SUMF1: variants seen among roughly 807,000 people sequenced by gnomAD.
SUMF1 encodes the protein sulfatase modifying factor 1.
In SUMF1, 48 loss-of-function variants were observed where a neutral mutation model predicts 47.6. The observed-to-expected ratio is 1.01, with a 90% CI of 0.80 to 1.28. The LOEUF (loss-of-function observed/expected upper bound fraction) is 1.28, where lower values mean the gene tolerates loss of function less well. Among genes scored for constraint, SUMF1 ranks in the 50% most tolerant of loss-of-function variants. SUMF1 has a pLI of 0.00. For missense variants in SUMF1, 571 were observed against 485.4 expected, an observed-to-expected ratio of 1.18 and a Z score of -1.66; for synonymous variants, 230 against 192.1, an observed-to-expected ratio of 1.20 and a Z score of -1.63.
At chr3:4,436,600 TA>T (rs11313088) in intron 3 of SUMF1, among the ~76,000 whole-genome samples, 41,150 of 144,236 alleles carry the variant, frequency 0.29, 5,988 homozygotes, top group Non-Finnish European at 0.33. Flanking sequence ...AGTTGTTAAT[TA>T]AAAAAAAAAA....
intron 8 of SUMF1, among the ~76,000 whole-genome samples, chr3:4,138,403 A>C (rs1315355485): frequency 6.6e-6 from 1 of 152,108 alleles, no homozygotes; most frequent in African/African-American, 2.4e-5. Flanking sequence ...GACAGTGAAC[A>C]CTGTGATTTA....
chr3:4,466,175 G>C (rs544777574), intron 1 of SUMF1, among the ~76,000 whole-genome samples: 198 of 152,080 alleles, frequency 1.3e-3, no homozygotes, highest in African/African-American at 4.7e-3. Context: ...GCAGTGGCAA[G>C]ATCTCGGCTC....
At chr3:4,460,738 C>G (rs987320159) in intron 1 of SUMF1, among the ~76,000 whole-genome samples, 1 of 151,782 alleles carries the variant, frequency 6.6e-6, no homozygotes, top group Non-Finnish European at 1.5e-5. Flanking sequence ...GCTCACAGCA[C>G]CCTTGATCGT....
At chr3:4,273,266 A>ATTTC (rs1697339629) in intron 8 of SUMF1, among the ~76,000 whole-genome samples, 1 of 152,106 alleles carries the variant, frequency 6.6e-6, no homozygotes, top group Non-Finnish European at 1.5e-5. Flanking sequence ...AAAAATGGAA[A>ATTTC]CATTCCAAGT....
intron 8 of SUMF1, among the ~76,000 whole-genome samples, chr3:4,188,913 T>G (rs1375177692): frequency 1.3e-5 from 2 of 152,204 alleles, no homozygotes; most frequent in Non-Finnish European, 2.9e-5. Flanking sequence ...ACATGTTATA[T>G]GTAATAAATC....
At chr3:4,385,599 C>T (rs1700646911) in intron 7 of SUMF1, among the ~76,000 whole-genome samples, 1 of 152,272 alleles carries the variant, frequency 6.6e-6, no homozygotes, top group East Asian at 1.9e-4. Context: ...TCTTAACAGG[C>T]TCTTTCACAG....
chr3:4,148,436 G>C (rs1480193968), intron 8 of SUMF1, among the ~76,000 whole-genome samples: 1 of 152,088 alleles, frequency 6.6e-6, no homozygotes, highest in Non-Finnish European at 1.5e-5. Flanking sequence ...TATTTCCTCA[G>C]AATCACCTAG....
intron 9 of SUMF1, among the ~76,000 whole-genome samples, chr3:4,067,483 C>G (rs1007386677): frequency 8.5e-5 from 13 of 152,134 alleles, no homozygotes; most frequent in Admixed American, 2.6e-4. Context: ...CAATGAATTC[C>G]ATCAGGCTAA....
chr3:4,241,670 G>A (rs888809719), intron 8 of SUMF1, among the ~76,000 whole-genome samples: 2 of 152,128 alleles, frequency 1.3e-5, no homozygotes, highest in South Asian at 4.1e-4. Flanking sequence ...CAGCAGCGTT[G>A]TCTGGGGTAA....
intron 1 of SUMF1, among the ~76,000 whole-genome samples, chr3:4,455,271 G>A (rs1229763923): frequency 6.6e-6 from 1 of 152,050 alleles, no homozygotes; most frequent in Non-Finnish European, 1.5e-5. Context: ...CGGATCATAA[G>A]AAACTACTTA....
intron 8 of SUMF1, among the ~76,000 whole-genome samples, chr3:4,270,917 G>C (rs1418100254): frequency 6.6e-6 from 1 of 152,200 alleles, no homozygotes; most frequent in Non-Finnish European, 1.5e-5. Context: ...ACCAAATCAT[G>C]TAAAACGGAA....
At chr3:4,437,373 G>A (rs922928815) in intron 3 of SUMF1, among the ~76,000 whole-genome samples, 1 of 151,942 alleles carries the variant, frequency 6.6e-6, no homozygotes, top group African/African-American at 2.4e-5. Context: ...TACTAAATGA[G>A]GAGATATAAA....
At chr3:4,165,810 T>TAAG (rs1559527622) in intron 8 of SUMF1, among the ~76,000 whole-genome samples, 1 of 149,856 alleles carries the variant, frequency 6.7e-6, no homozygotes, top group Non-Finnish European at 1.5e-5. Flanking sequence ...TGTTGATGCC[T>TAAG]GAGTGTTTCC....
intron 8 of SUMF1, among the ~76,000 whole-genome samples, chr3:4,242,769 A>C (rs1223910163): frequency 6.6e-6 from 1 of 152,198 alleles, no homozygotes; most frequent in African/African-American, 2.4e-5. Context: ...CTTTGGGATC[A>C]GGATGATGTT....
intron 8 of SUMF1, among the ~76,000 whole-genome samples, chr3:4,260,828 G>A (rs565441224): frequency 7.2e-5 from 11 of 152,220 alleles, no homozygotes; most frequent in Middle Eastern, 3.4e-3. Context: ...CCATATGTGC[G>A]TGTCCTAATC....
chr3:4,282,546 T>C (rs1697551130), intron 8 of SUMF1, among the ~76,000 whole-genome samples: 1 of 152,186 alleles, frequency 6.6e-6, no homozygotes, highest in Non-Finnish European at 1.5e-5. Flanking sequence ...AAAATCCTTA[T>C]GGTAACATGA....
In SUMF1 at chr3:4,172,970, G is replaced by A. The variant is rs550087575; in HGVS notation, c.1015-104225C>T. ...TGGTATTGCCTCGGTTTTCTTCTAC[G>A]GTTTCTATGGTTTTAAGTCTTAGTT... On this transcript the variant is annotated intron_variant and NMD_transcript_variant, in intron 8 of 12. Transcript: ENST00000448413. Among the ~76,000 whole-genome samples the A allele has an allele frequency of 6.6e-5, 10 of 152,066 alleles. No homozygotes were observed. In the East Asian group the frequency reaches 7.7e-4, roughly 12 times the overall value.
At chr3:4,410,747 C>G in intron 7 of SUMF1, 118 bp downstream of exon 7, 1 of 920,936 alleles carries the variant, frequency 1.1e-6, no homozygotes, top group Admixed American at 1.8e-5. Flanking sequence ...AGGGAAATCC[C>G]AAGATTAATT....
At chr3:4,396,071 T>A (rs1701030166) in intron 7 of SUMF1, among the ~76,000 whole-genome samples, 1 of 152,182 alleles carries the variant, frequency 6.6e-6, no homozygotes, top group Non-Finnish European at 1.5e-5. Flanking sequence ...TAGGCACAGA[T>A]ATAAACCAGG....
Sources: gnomAD v4.1 joint callset for allele counts (sites outside exome capture counted in the v4.1 genomes callset) on GRCh38, gnomAD v4.1.1 for gene constraint, MANE v1.5 for transcripts, NCBI Gene and HGNC (gene_info 2026-07-23, HGNC 2026-07-21) for gene names.